Variants in SDF4 observed in about 807,000 individuals in gnomAD.
SDF4 encodes the protein 45 kDa calcium-binding protein.
SDF4 carries 22 observed loss-of-function variants against 34.2 expected under a neutral mutation model. The ratio of observed to expected loss-of-function variants is 0.64; its 90% confidence interval spans 0.46 to 0.92. The LOEUF (loss-of-function observed/expected upper bound fraction) is 0.92. SDF4 is among the 40% of genes least tolerant of loss of function. The probability of loss-of-function intolerance (pLI) is 0.00; values close to 1 mark genes in which losing one functional copy is unlikely to be tolerated. For missense variants in SDF4, 447 were observed against 499.9 expected (o/e 0.89, Z 1.01); for synonymous variants, 236 against 203.1 (o/e 1.16, Z -1.38).
chr1:1,223,417 C>T (rs1336766580), intron 3 of SDF4, 60 bp from the exon 4 acceptor site: 17 of 1,200,436 alleles, frequency 1.4e-5, no homozygotes, highest in Non-Finnish European at 2.1e-5. Flanking sequence ...TCCTTCTCAA[C>T]TGAGATGGGG....
At chr1:1,221,626 G>A (rs1570479650) in intron 4 of SDF4, among the ~76,000 whole-genome samples, 3 of 151,920 alleles carry the variant, frequency 2.0e-5, no homozygotes, top group Admixed American at 2.0e-4. Flanking sequence ...CAACAGTGAG[G>A]CCCTCACTCT....
chr1:1,224,020 C>G, intron 2 of SDF4, 52 bp from the exon 3 acceptor site: 7 of 1,599,474 alleles, frequency 4.4e-6, no homozygotes, highest in Non-Finnish European at 6.0e-6. Flanking sequence ...CCCAGGACCC[C>G]GAACAGCCAG....
rs1449317760 is a variant in SDF4 at position 1,218,043 on chromosome 1, C to A, written c.892-355G>T. The stretch of plus-strand genomic sequence containing the variant: ...CAGCAGTGGGAGAAAAACAAGCCTA[C>A]ACATGATACCAGTGAAAACGCTTCA... On this transcript the variant is annotated intron_variant, in intron 6 of 6. Coordinates refer to ENST00000360001, the MANE Select transcript of SDF4 (RefSeq NM_016176.6). The surrounding 1 kb of genome is among the most constrained non-coding windows in gnomAD (Gnocchi z 7.9). Among the ~76,000 whole-genome samples the A allele has an allele frequency of 1.3e-5, 2 of 152,236 alleles. No homozygotes were observed. The highest frequency in any genetic ancestry group is 3.9e-4 in the East Asian group (2 of 5,192).
Position 1,218,884 on chromosome 1 carries a change from C to T in SDF4, c.600G>A (p.Ala200=), listed in dbSNP as rs758609881. ...LENLKDRWYQ[A]DSPPADLLLT... is the part of the protein sequence containing the mutation. ...GCAGCAGGTCTGCAGGGGGGCTGTC[C>T]GCCTGGTACCAGCGGTCCTTCAGGT... The change falls in exon 5 of 7, where the codon GCG becomes GCA. Residue 200 remains alanine, a synonymous_variant. Coordinates refer to ENST00000360001, the MANE Select transcript of SDF4 (RefSeq NM_016176.6). The surrounding 1 kb of genome is among the most constrained non-coding windows in gnomAD (Gnocchi z 7.9). The T allele has an allele frequency of 1.1e-5, 18 of 1,597,348 alleles. No individual in the cohort carries two copies. The highest frequency in any genetic ancestry group is 6.7e-5 in the East Asian group (3 of 44,600).
chr1:1,223,640 A>G (rs113206287), intron 3 of SDF4, among the ~76,000 whole-genome samples, 192 bp downstream of exon 3: 17,431 of 151,978 alleles, frequency 0.11, 1,140 homozygotes, highest in East Asian at 0.17. Context: ...TGGCACACAC[A>G]CCTCTGTCAC....
At position 1,218,967 on chromosome 1, in the gene SDF4, C is replaced by T. The variant is rs200210452; in HGVS notation, c.557-40G>A. ...GCCTGTGGGTATCGAGGCCGACAGA[C>T]GCCAGCACGCAAATCCAGAAAGTTC... On this transcript the variant is annotated intron_variant, in intron 4 of 6. Transcript: ENST00000360001. This position sits in a 1 kb window ranked among gnomAD's most constrained non-coding sequence, Gnocchi z 7.9. The T allele has an allele frequency of 6.2e-5, 100 of 1,612,394 alleles. No homozygotes were observed. The Admixed American group carries it at 1.2e-3, about 19-fold the overall frequency.
chr1:1,223,068 C>A (rs1025510884), intron 4 of SDF4, 176 bp downstream of exon 4: 2 of 606,766 alleles, frequency 3.3e-6, no homozygotes, highest in African/African-American at 1.9e-5. Context: ...CATGCACACA[C>A]GTACTCACGA....
intron 2 of SDF4, among the ~76,000 whole-genome samples, chr1:1,225,898 C>T (rs1638288530): frequency 6.6e-6 from 1 of 152,262 alleles, no homozygotes; most frequent in Non-Finnish European, 1.5e-5. Flanking sequence ...CTCATCCAAA[C>T]TCAGGTGCCT....
At chr1:1,226,131 G>A (rs1008385668) in intron 2 of SDF4, among the ~76,000 whole-genome samples, 4 of 152,246 alleles carry the variant, frequency 2.6e-5, no homozygotes, top group African/African-American at 7.2e-5. Context: ...CTCCAGCCAC[G>A]GGAGACAGGG....
At chr1:1,222,052 A>T in intron 4 of SDF4, among the ~76,000 whole-genome samples, 1 of 152,262 alleles carries the variant, frequency 6.6e-6, no homozygotes, top group East Asian at 1.9e-4. Flanking sequence ...AGATACACCC[A>T]GCCTGCCAGG....
rs1265139931 is a variant in SDF4, at chr1:1,218,390, T to C, written c.891+68A>G. On this transcript the variant is annotated intron_variant, in intron 6 of 6. Transcript: ENST00000360001. The surrounding 1 kb of genome is among the most constrained non-coding windows in gnomAD (Gnocchi z 7.9). Reference sequence around the variant, plus strand: ...CACAGCTTCCTGCCTCAGGCCCAGATCCACCAGCCCCTCCCGCCACAGCAC... The same window carrying C: ...CACAGCTTCCTGCCTCAGGCCCAGACCCACCAGCCCCTCCCGCCACAGCAC... 1 of 1,529,184 alleles carries C rather than the reference T, an allele frequency of 6.5e-7. No individual in the cohort carries two copies. Among genetic ancestry groups the C allele is most frequent in the Non-Finnish European group, 8.8e-7 (1 of 1,132,960 alleles). The allele number at this position is 1,529,184 out of a possible 1,614,324, so 94.7% of individuals were successfully genotyped here. A position where few individuals can be genotyped will look rare whatever the true frequency, so the allele number is the denominator to read the frequency against.
intron 2 of SDF4, among the ~76,000 whole-genome samples, chr1:1,224,773 G>T (rs1450017265): frequency 6.6e-6 from 1 of 152,186 alleles, no homozygotes; most frequent in Non-Finnish European, 1.5e-5. Flanking sequence ...AATTCGCCAG[G>T]CGCGGTGGCG....
Position 1,217,476 on chromosome 1 carries a change from G to A in SDF4, c.*36C>T. On this transcript the variant is annotated 3_prime_UTR_variant, in exon 7 of 7. Transcript: ENST00000360001. This position sits in a 1 kb window ranked among gnomAD's most constrained non-coding sequence, Gnocchi z 8.5. The stretch of plus-strand genomic sequence containing the variant: ...GAGTCACCCGCGAGGCCGCCCCGGT[G>A]GTGCGTGGGGGGCGGCGCGGGGCGC... 1 of 1,438,722 alleles carries A rather than the reference G, an allele frequency of 7.0e-7. No individual in the cohort carries two copies. Among genetic ancestry groups the A allele is most frequent in the Non-Finnish European group, 9.1e-7 (1 of 1,094,480 alleles). 89.1% of individuals were successfully genotyped at this position (1,438,722 alleles called of 1,614,324 possible).
intron 4 of SDF4, chr1:1,220,626 C>G: frequency 4.7e-6 from 6 of 1,289,138 alleles, no homozygotes; most frequent in Non-Finnish European, 6.1e-6. Flanking sequence ...GCATGGGGAC[C>G]CCCAAAACGC....
chr1:1,225,947 G>T (rs937892559), intron 2 of SDF4, among the ~76,000 whole-genome samples: 9 of 152,256 alleles, frequency 5.9e-5, no homozygotes, highest in African/African-American at 2.2e-4. Flanking sequence ...ACATGGAGCT[G>T]GCACGCACAC....
intron 1 of SDF4, 125 bp from the exon 2 acceptor site, chr1:1,229,071 G>A (rs1638410082): frequency 7.2e-6 from 3 of 417,396 alleles, no homozygotes; most frequent in Non-Finnish European, 1.2e-5. Context: ...GCCTTCTCCA[G>A]ACCACACGTG....
At chr1:1,225,397 C>T (rs144227919) in intron 2 of SDF4, among the ~76,000 whole-genome samples, 74 of 152,334 alleles carry the variant, frequency 4.9e-4, no homozygotes, top group Non-Finnish European at 8.8e-4. Context: ...CAGGTGTGGC[C>T]TCTGGGACCT....
In SDF4 at chr1:1,221,537, C is replaced by T. The variant is rs533841293; in HGVS notation, c.556+1707G>A. Among the ~76,000 whole-genome samples, 21 of 152,238 alleles carry T rather than the reference C, an allele frequency of 1.4e-4. No individual in the cohort carries two copies. The South Asian group carries it at 2.9e-3, about 21-fold the overall frequency. On this transcript the variant is annotated intron_variant, in intron 4 of 6. Coordinates refer to ENST00000360001, the MANE Select transcript of SDF4 (RefSeq NM_016176.6). Reference sequence around the variant, plus strand: ...GTATCTTACACCTTTATTTTTCTGTCCTCCAAGGAGGATAGATTGAGCCCA... The same window carrying T: ...GTATCTTACACCTTTATTTTTCTGTTCTCCAAGGAGGATAGATTGAGCCCA...
intron 2 of SDF4, among the ~76,000 whole-genome samples, chr1:1,226,902 T>G (rs1396199002): frequency 6.6e-6 from 1 of 152,196 alleles, no homozygotes; most frequent in Non-Finnish European, 1.5e-5. Context: ...CAGGCCTTCG[T>G]GAGCTCAGGG....
Sources: allele counts gnomAD v4.1 joint callset (sites outside exome capture counted in the v4.1 genomes callset), GRCh38; gene constraint gnomAD v4.1.1; non-coding constraint Gnocchi (gnomAD v3.1); transcripts MANE v1.5; gene names NCBI Gene and HGNC (gene_info 2026-07-23, HGNC 2026-07-21).